The following COL14A1 variants were observed in gnomAD, a reference collection of about 807,000 sequenced individuals.
COL14A1 encodes the protein collagen type XIV alpha 1 chain, also known as collagen alpha-1(XIV) chain.
COL14A1 carries 136 observed loss-of-function variants against 230.3 expected under a neutral mutation model. That is an observed-to-expected ratio of 0.59 (90% CI 0.51 to 0.68). The LOEUF (loss-of-function observed/expected upper bound fraction) is 0.68, where lower values mean the gene tolerates loss of function less well. Among genes scored for constraint, COL14A1 ranks in the 30% least tolerant of loss-of-function variants. COL14A1 has a pLI of 0.00. For synonymous variants in COL14A1, 792 were observed against 784.1 expected (o/e 1.01, Z -0.17); for missense variants, 1,976 against 2,215.8 (o/e 0.89, Z 2.17).
rs115071798 is a variant in COL14A1, at chr8:120,283,858, A to G, written c.3967+80A>G. ...GGCATGCCATTTTGCCTGTTTGTGT[A>G]TATTACAGAGTAACTCACTAATCTT... On this transcript the variant is annotated intron_variant, in intron 32 of 47. Transcript: ENST00000297848. The G allele has an allele frequency of 2.9e-4, 348 of 1,198,866 alleles. No homozygotes were observed. The African/African-American group carries it at 4.7e-3, about 16-fold the overall frequency. 74.3% of individuals were successfully genotyped at this position (1,198,866 alleles called of 1,614,324 possible). A position where few individuals can be genotyped will look rare whatever the true frequency, so the allele number is the denominator to read the frequency against.
At chr8:120,209,038 G>A (rs895417906) in intron 11 of COL14A1, among the ~76,000 whole-genome samples, 1 of 152,104 alleles carries the variant, frequency 6.6e-6, no homozygotes, top group South Asian at 2.1e-4. Flanking sequence ...TAATCACAAT[G>A]CGCCAGGCAC....
At chr8:120,306,956 G>A (rs1170265807) in intron 36 of COL14A1, among the ~76,000 whole-genome samples, 1 of 152,158 alleles carries the variant, frequency 6.6e-6, no homozygotes, top group East Asian at 1.9e-4. Flanking sequence ...ACTAGGCTGC[G>A]AGAAACAGAA....
rs370260410 is a variant in COL14A1 at position 120,231,558 on chromosome 8, G to A, written c.2289G>A (p.Gln763=). 6.2e-7 allele frequency: 1 copy of A among 1,614,060 alleles called. No homozygotes were observed. Among genetic ancestry groups the A allele is most frequent in the Non-Finnish European group, 8.5e-7 (1 of 1,179,988 alleles). The change falls in exon 19 of 48, where the codon CAG becomes CAA. Residue 763 remains glutamine (Q), a synonymous_variant. Coordinates refer to ENST00000297848, the MANE Select transcript of COL14A1 (RefSeq NM_021110.4). ...VKWDISDSDV[Q]QFRVTYMTAQ... ...GGGACATTTCTGACAGCGATGTGCA[G>A]CAGTTTAGGGTGACCTACATGACAG... is the stretch of plus-strand genomic sequence containing the variant.
In COL14A1 at chr8:120,257,029, GT is replaced by G. The variant is rs1400426763; in HGVS notation, c.2869+1676del. Among the ~76,000 whole-genome samples, 5 of 152,170 alleles carry G rather than the reference GT, an allele frequency of 3.3e-5. No homozygotes were observed. In the East Asian group the frequency reaches 9.6e-4, roughly 29 times the overall value. On this transcript the variant is annotated intron_variant, in intron 23 of 47. Coordinates refer to ENST00000297848, the MANE Select transcript of COL14A1 (RefSeq NM_021110.4). ...TAGTTTTTTAAATTAAATGCTTTTA[GT>G]TTAGCATATTTGCAAAGCAGCCTTG...
chr8:120,169,249 G>A (rs1390787002), intron 5 of COL14A1, among the ~76,000 whole-genome samples: 1 of 152,160 alleles, frequency 6.6e-6, no homozygotes, highest in African/African-American at 2.4e-5. Flanking sequence ...GAACTGCAAG[G>A]TTAAAGGATA....
At chr8:120,144,321 T>C (rs780628170) in intron 1 of COL14A1, among the ~76,000 whole-genome samples, 167 of 152,168 alleles carry the variant, frequency 1.1e-3, no homozygotes, top group Non-Finnish European at 1.7e-3. Flanking sequence ...AAAGCCATTA[T>C]AATTACATTA....
intron 5 of COL14A1, among the ~76,000 whole-genome samples, chr8:120,191,428 G>A (rs1406038234): frequency 1.3e-5 from 2 of 151,852 alleles, no homozygotes; most frequent in Admixed American, 1.3e-4. Flanking sequence ...TATAATTTCT[G>A]TTCTTTTACA....
At chr8:120,265,764 A>G (rs1193887541) in intron 24 of COL14A1, among the ~76,000 whole-genome samples, 3 of 152,038 alleles carry the variant, frequency 2.0e-5, no homozygotes, top group African/African-American at 7.2e-5. Flanking sequence ...ATTTAGTAAT[A>G]TATAGTTACC....
chr8:120,231,214 A>G (rs1158383437), intron 18 of COL14A1, among the ~76,000 whole-genome samples: 1 of 152,128 alleles, frequency 6.6e-6, no homozygotes, highest in Non-Finnish European at 1.5e-5. Flanking sequence ...ACTAGTGCAC[A>G]TACAGAACTG....
At chr8:120,323,082 GT>G in intron 40 of COL14A1, among the ~76,000 whole-genome samples, 1 of 152,032 alleles carries the variant, frequency 6.6e-6, no homozygotes, top group African/African-American at 2.4e-5. Context: ...GTTTAGTTTT[GT>G]TTTTAACTTT....
chr8:120,191,408 GAC>G (rs1258997427), intron 5 of COL14A1, among the ~76,000 whole-genome samples: 1 of 152,204 alleles, frequency 6.6e-6, no homozygotes, highest in Admixed American at 6.5e-5. Flanking sequence ...TGGTCTGAGA[GAC>G]AGTTTGTTAT....
chr8:120,356,348 A>T (rs1822984425), intron 45 of COL14A1, among the ~76,000 whole-genome samples: 1 of 152,258 alleles, frequency 6.6e-6, no homozygotes, highest in Non-Finnish European at 1.5e-5. Flanking sequence ...ATAGGGGTCT[A>T]GAATTCAGAT....
chr8:120,309,825 G>A (rs940715851), intron 36 of COL14A1, among the ~76,000 whole-genome samples, 184 bp from the exon 37 acceptor site: 6 of 152,110 alleles, frequency 3.9e-5, no homozygotes, highest in Non-Finnish European at 7.4e-5. Flanking sequence ...CCATGAAATC[G>A]TCTGCAGCGC....
At chr8:120,204,088 T>C (rs548964662) in intron 9 of COL14A1, among the ~76,000 whole-genome samples, 17 of 152,216 alleles carry the variant, frequency 1.1e-4, no homozygotes, top group Non-Finnish European at 2.4e-4. Context: ...CTCCATAATG[T>C]TACATTTACA....
chr8:120,230,260 A>T (rs1260638250), intron 18 of COL14A1, among the ~76,000 whole-genome samples: 1 of 151,884 alleles, frequency 6.6e-6, no homozygotes, highest in Non-Finnish European at 1.5e-5. Context: ...TGTTTTTCCT[A>T]CATTAGTTGT....
At chr8:120,151,511 G>A (rs916102646) in intron 2 of COL14A1, among the ~76,000 whole-genome samples, 15 of 151,674 alleles carry the variant, frequency 9.9e-5, no homozygotes, top group African/African-American at 2.9e-4. Context: ...ATGATGGTGC[G>A]CGCCTGTAGT....
At chr8:120,178,895 A>G (rs536823224) in intron 5 of COL14A1, among the ~76,000 whole-genome samples, 4 of 150,956 alleles carry the variant, frequency 2.6e-5, no homozygotes, top group Non-Finnish European at 4.4e-5. Flanking sequence ...GTGTCTGTTT[A>G]TATCCTTCTC....
At chr8:120,322,804 G>A (rs1821503572) in intron 40 of COL14A1, among the ~76,000 whole-genome samples, 1 of 152,064 alleles carries the variant, frequency 6.6e-6, no homozygotes, top group African/African-American at 2.4e-5. Flanking sequence ...ATCATTGATG[G>A]GCATTTAGGT....
rs558093248 is a variant in COL14A1 at position 120,331,380 on chromosome 8, C to T, written c.4660-761C>T. 2.0e-5 allele frequency among the ~76,000 whole-genome samples: 3 copies of T among 152,264 alleles called. No homozygotes were observed. In the South Asian group the frequency reaches 6.2e-4, roughly 32 times the overall value. On this transcript the variant is annotated intron_variant, in intron 40 of 47. Transcript: ENST00000297848. ...TATGATAAAATTCAGATTGAAGATT[C>T]TCTCTTAAATTAACTGCTTTGGAAA...
Sources: gnomAD v4.1 joint callset for allele counts (sites outside exome capture counted in the v4.1 genomes callset) on GRCh38, gnomAD v4.1.1 for gene constraint, MANE v1.5 for transcripts, NCBI Gene and HGNC (gene_info 2026-07-23, HGNC 2026-07-21) for gene names.